The following L3MBTL4 variants were observed in gnomAD, a reference collection of about 807,000 sequenced individuals.
The protein encoded by L3MBTL4 is L3MBTL histone methyl-lysine binding protein 4, also known as lethal(3)malignant brain tumor-like protein 4.
Under a neutral mutation model 84.5 loss-of-function variants are expected in L3MBTL4, and 70 were observed. That is an observed-to-expected ratio of 0.83 (90% CI 0.68 to 1.01). The LOEUF (loss-of-function observed/expected upper bound fraction) is 1.01. Among genes scored for constraint, L3MBTL4 ranks in the 50% least tolerant of loss-of-function variants. L3MBTL4 has a pLI of 0.00. For synonymous variants in L3MBTL4, 274 were observed against 259.8 expected (o/e 1.05, Z -0.52); for missense variants, 715 against 754.8 (o/e 0.95, Z 0.62).
At chr18:5,990,993 A>G (rs2053672479) in intron 16 of L3MBTL4, among the ~76,000 whole-genome samples, 1 of 152,122 alleles carries the variant, frequency 6.6e-6, no homozygotes, top group African/African-American at 2.4e-5. Context: ...TCTCTTGCCC[A>G]GTCCACCTTG....
intron 14 of L3MBTL4, among the ~76,000 whole-genome samples, chr18:6,105,010 A>G (rs1167542502): frequency 6.6e-6 from 1 of 152,182 alleles, no homozygotes; most frequent in East Asian, 1.9e-4. Flanking sequence ...TTAAAAAGAC[A>G]AAACGACCCT....
chr18:6,141,782 C>A (rs1465068323), intron 13 of L3MBTL4, among the ~76,000 whole-genome samples: 2 of 152,178 alleles, frequency 1.3e-5, no homozygotes, highest in East Asian at 3.9e-4. Context: ...ATCTATTTTC[C>A]ATCTTGCAAC....
chr18:6,035,014 AT>A (rs1273317436), intron 16 of L3MBTL4, among the ~76,000 whole-genome samples: 2 of 151,518 alleles, frequency 1.3e-5, no homozygotes, highest in Non-Finnish European at 2.9e-5. Context: ...TTTCTTGTAA[AT>A]TTGTTTGAAT....
rs574068286 is a variant in L3MBTL4 at position 5,980,359 on chromosome 18, C to T, written c.1445-10797G>A. 4.6e-5 allele frequency among the ~76,000 whole-genome samples: 7 copies of T among 152,094 alleles called. No homozygotes were observed. In the South Asian group the frequency reaches 8.3e-4, roughly 18 times the overall value. On this transcript the variant is annotated intron_variant, in intron 16 of 18. Coordinates refer to ENST00000317931, the MANE Select transcript of L3MBTL4 (RefSeq NM_001330559.2). ...CCCAGGAAGTGAAACAAAGCATCCCCGTCTCAGGTGTACACCATATTGTAT... is the reference window on the plus strand; with the variant it reads ...CCCAGGAAGTGAAACAAAGCATCCCTGTCTCAGGTGTACACCATATTGTAT...
intron 14 of L3MBTL4, among the ~76,000 whole-genome samples, chr18:6,135,559 C>T (rs954581978): frequency 6.6e-6 from 1 of 152,216 alleles, no homozygotes; most frequent in African/African-American, 2.4e-5. Flanking sequence ...TCATCTTTCT[C>T]AAGTTCAAAG....
At chr18:6,276,123 C>G (rs192983797) in intron 4 of L3MBTL4, among the ~76,000 whole-genome samples, 59 of 152,350 alleles carry the variant, frequency 3.9e-4, no homozygotes, top group Non-Finnish European at 7.6e-4. Context: ...CCATTTGTCT[C>G]TTACCTACCT....
intron 16 of L3MBTL4, among the ~76,000 whole-genome samples, chr18:5,974,630 C>T (rs546276752): frequency 6.6e-6 from 1 of 152,112 alleles, no homozygotes; most frequent in South Asian, 2.1e-4. Context: ...ACTTGCGACA[C>T]GAGGCAGAGC....
chr18:6,162,368 T>G (rs532086507), intron 13 of L3MBTL4, among the ~76,000 whole-genome samples: 2 of 152,106 alleles, frequency 1.3e-5, no homozygotes, highest in African/African-American at 4.8e-5. Flanking sequence ...TTGAGTCACA[T>G]AAATACAACA....
At chr18:6,060,601 A>G (rs74530560) in intron 16 of L3MBTL4, among the ~76,000 whole-genome samples, 1 of 152,126 alleles carries the variant, frequency 6.6e-6, no homozygotes, top group East Asian at 1.9e-4. Context: ...TTATCAACTA[A>G]AAGTCCTTAG....
chr18:6,376,791 T>C (rs143461673), intron 1 of L3MBTL4, among the ~76,000 whole-genome samples: 2 of 152,286 alleles, frequency 1.3e-5, no homozygotes, highest in East Asian at 3.9e-4. Flanking sequence ...CTTACTAGCA[T>C]AGCCTGAGCA....
At chr18:6,234,603 A>G (rs529731758) in intron 10 of L3MBTL4, among the ~76,000 whole-genome samples, 5 of 152,224 alleles carry the variant, frequency 3.3e-5, no homozygotes, top group Admixed American at 6.5e-5. Flanking sequence ...AATGCAAATC[A>G]AAACCGCAAT....
rs780350069 is a variant in L3MBTL4 at position 6,238,059 on chromosome 18, A to G, written c.708-19T>C. ...ATCGCACCTGCAAAAACAGAGCTCT[A>G]TATTACGTTCCGTTTTACTTCATGC... is the stretch of plus-strand genomic sequence containing the variant. On this transcript the variant is annotated intron_variant, in intron 9 of 18. Coordinates refer to ENST00000317931, the MANE Select transcript of L3MBTL4 (RefSeq NM_001330559.2). 1.9e-6 allele frequency: 3 copies of G among 1,610,136 alleles called. No individual in the cohort carries two copies. Among genetic ancestry groups the G allele is most frequent in the Non-Finnish European group, 1.7e-6 (2 of 1,176,350 alleles).
intron 12 of L3MBTL4, 131 bp from the exon 13 acceptor site, chr18:6,172,073 A>C (rs1476776759): frequency 3.8e-6 from 2 of 523,824 alleles, no homozygotes; most frequent in Non-Finnish European, 6.8e-6. Context: ...AGTTGAAATA[A>C]TATTTAATAT....
At chr18:6,147,103 C>T (rs180839795) in intron 13 of L3MBTL4, among the ~76,000 whole-genome samples, 15 of 152,136 alleles carry the variant, frequency 9.9e-5, no homozygotes, top group Non-Finnish European at 1.8e-4. Flanking sequence ...GCACTCTTTC[C>T]CATTTCAAAT....
chr18:6,086,571 T>G (rs2058266849), intron 15 of L3MBTL4, among the ~76,000 whole-genome samples: 1 of 152,164 alleles, frequency 6.6e-6, no homozygotes, highest in Non-Finnish European at 1.5e-5. Flanking sequence ...CCCTTCCATC[T>G]CATCCCAGAT....
intron 10 of L3MBTL4, among the ~76,000 whole-genome samples, chr18:6,217,320 G>C (rs141495064): frequency 5.3e-5 from 8 of 151,922 alleles, no homozygotes; most frequent in African/African-American, 1.9e-4. Flanking sequence ...CCCTACCCTC[G>C]CTTCCAACCA....
intron 10 of L3MBTL4, among the ~76,000 whole-genome samples, chr18:6,231,966 G>A (rs2047016605): frequency 6.6e-6 from 1 of 152,068 alleles, no homozygotes; most frequent in Non-Finnish European, 1.5e-5. Context: ...CCTTGTTCCT[G>A]ATCTTACAGG....
At chr18:6,356,279 C>T (rs771517692) in intron 1 of L3MBTL4, among the ~76,000 whole-genome samples, 9 of 152,276 alleles carry the variant, frequency 5.9e-5, no homozygotes, top group Non-Finnish European at 1.3e-4. Context: ...GGAGAACCCA[C>T]AGGCCAAACC....
intron 3 of L3MBTL4, among the ~76,000 whole-genome samples, chr18:6,307,009 C>T (rs1209577693): frequency 6.6e-6 from 1 of 152,176 alleles, no homozygotes; most frequent in African/African-American, 2.4e-5. Flanking sequence ...ATATATCACA[C>T]ACGTCACCTT....
Sources: gnomAD v4.1 joint callset for allele counts (sites outside exome capture counted in the v4.1 genomes callset) on GRCh38, gnomAD v4.1.1 for gene constraint, MANE v1.5 for transcripts, NCBI Gene and HGNC (gene_info 2026-07-23, HGNC 2026-07-21) for gene names.